Variants in RNF6 observed in about 807,000 individuals in gnomAD.
The protein encoded by RNF6 is ring finger protein 6, also known as E3 ubiquitin-protein ligase RNF6.
In RNF6, 21 loss-of-function variants were observed where a neutral mutation model predicts 50.1. That is an observed-to-expected ratio of 0.42 (90% CI 0.30 to 0.60). RNF6 has a LOEUF of 0.60. Ranked by LOEUF, RNF6 falls within the 20% of genes least tolerant of loss-of-function variation. The pLI is 0.20. For missense variants in RNF6, 698 were observed against 838.2 expected (o/e 0.83, Z 2.07); for synonymous variants, 255 against 291.8 (o/e 0.87, Z 1.29).
chr13:26,198,375 A>G (rs1868761207), intron 5 of RNF6, among the ~76,000 whole-genome samples: 1 of 151,874 alleles, frequency 6.6e-6, no homozygotes, highest in African/African-American at 2.4e-5. Context: ...ACATTATGGA[A>G]AGGAATCTGC....
chr13:26,188,570 T>C (rs1030969466), intron 5 of RNF6, among the ~76,000 whole-genome samples: 2 of 147,630 alleles, frequency 1.4e-5, no homozygotes, highest in Non-Finnish European at 3.0e-5. Flanking sequence ...AGGTGAAAGC[T>C]GCAGCTGTTC....
At chr13:26,168,661 G>A (rs7982318) in intron 5 of RNF6, among the ~76,000 whole-genome samples, 113,268 of 152,180 alleles carry the variant, frequency 0.74, 42,429 homozygotes, top group East Asian at 0.8. Flanking sequence ...ATGCCCAAGG[G>A]CAAATGAGTA....
Position 26,213,869 on chromosome 13 carries a change from G to T in RNF6, c.2013C>A (p.Ile671=). The T allele has an allele frequency of 6.2e-7, 1 of 1,613,614 alleles. No homozygotes were observed. The highest frequency in any genetic ancestry group is 8.5e-7 in the Non-Finnish European group (1 of 1,179,688). The change falls in exon 5 of 5, where the codon ATC becomes ATA. Residue 671 remains isoleucine, a synonymous_variant. Transcript: ENST00000381588. ...RWLSENCTCP[I]CRQPVLGSNI... ...TAGACCCTAAAACAGGCTGCCGACA[G>T]ATCGGACAAGTGCAATTCTCTGAGA... is the stretch of plus-strand genomic sequence containing the variant.
intron 5 of RNF6, among the ~76,000 whole-genome samples, chr13:26,199,199 G>A (rs1020062857): frequency 6.7e-6 from 1 of 149,898 alleles, no homozygotes; most frequent in Non-Finnish European, 1.5e-5. Flanking sequence ...AATGACAATA[G>A]AACAGACTAG....
chr13:26,136,404 G>T (rs1870647853), intron 5 of RNF6, among the ~76,000 whole-genome samples: 1 of 152,172 alleles, frequency 6.6e-6, no homozygotes. Flanking sequence ...ACATCTTCCA[G>T]AACAAGTGTG....
At chr13:26,152,197 T>C (rs1370820549) in intron 5 of RNF6, among the ~76,000 whole-genome samples, 1 of 152,220 alleles carries the variant, frequency 6.6e-6, no homozygotes, top group Non-Finnish European at 1.5e-5. Flanking sequence ...TTTGAATATG[T>C]AACACATTCA....
At chr13:26,183,559 T>C (rs774482648) in intron 5 of RNF6, among the ~76,000 whole-genome samples, 4 of 152,202 alleles carry the variant, frequency 2.6e-5, no homozygotes, top group Non-Finnish European at 5.9e-5. Context: ...CGTATATCCA[T>C]AGTAGATTGT....
At chr13:26,183,727 G>A (rs569914859) in intron 5 of RNF6, among the ~76,000 whole-genome samples, 4 of 151,682 alleles carry the variant, frequency 2.6e-5, no homozygotes, top group African/African-American at 7.3e-5. Context: ...TATACAATTC[G>A]CAGCTTAGCA....
intron 5 of RNF6, among the ~76,000 whole-genome samples, chr13:26,202,739 T>C (rs1400405804): frequency 6.6e-6 from 1 of 152,190 alleles, no homozygotes; most frequent in African/African-American, 2.4e-5. Flanking sequence ...ATAAAAATAG[T>C]ATGGTACATT....
At chr13:26,138,415 T>G (rs1409189851) in intron 5 of RNF6, among the ~76,000 whole-genome samples, 1 of 152,002 alleles carries the variant, frequency 6.6e-6, no homozygotes, top group Admixed American at 6.6e-5. Flanking sequence ...ATGAAGAAAA[T>G]AAGAATATTC....
At chr13:26,164,177 G>A (rs958808417) in intron 5 of RNF6, among the ~76,000 whole-genome samples, 2 of 152,056 alleles carry the variant, frequency 1.3e-5, no homozygotes, top group Non-Finnish European at 2.9e-5. Context: ...TATCATCCCT[G>A]GGACTTATTA....
chr13:26,181,362 G>C (rs1029959387), intron 5 of RNF6, among the ~76,000 whole-genome samples: 1 of 152,192 alleles, frequency 6.6e-6, no homozygotes, highest in Non-Finnish European at 1.5e-5. Context: ...CCGATCAGGC[G>C]TCTGTCTTGT....
downstream of RNF6, among the ~76,000 whole-genome samples, chr13:26,209,415 C>A (rs1318055712): frequency 1.3e-5 from 2 of 152,234 alleles, no homozygotes; most frequent in Non-Finnish European, 1.5e-5. Flanking sequence ...ATTATATAAT[C>A]TGTACCAGTA....
intron 5 of RNF6, among the ~76,000 whole-genome samples, chr13:26,178,577 G>A (rs965168728): frequency 1.4e-5 from 2 of 146,942 alleles, no homozygotes; most frequent in African/African-American, 5.1e-5. Flanking sequence ...GGCGGACCAG[G>A]TGTCTGCCTG....
At chr13:26,205,808 G>T (rs185598317) in intron 5 of RNF6, among the ~76,000 whole-genome samples, 1 of 152,202 alleles carries the variant, frequency 6.6e-6, no homozygotes, top group Non-Finnish European at 1.5e-5. Context: ...GAGTCCAGGA[G>T]TTTGAGACCA....
chr13:26,164,826 G>A (rs1049525612), intron 5 of RNF6, among the ~76,000 whole-genome samples: 1 of 152,108 alleles, frequency 6.6e-6, no homozygotes, highest in Non-Finnish European at 1.5e-5. Context: ...TTTGGGTGCT[G>A]TTAAAGACAT....
intron 5 of RNF6, among the ~76,000 whole-genome samples, chr13:26,203,529 TG>T (rs1334746154): frequency 3.3e-5 from 5 of 152,228 alleles, no homozygotes; most frequent in Non-Finnish European, 5.9e-5. Flanking sequence ...GTCACACCTT[TG>T]GGTGTGACAC....
chr13:26,133,758 G>A (rs1304817542), intron 5 of RNF6, among the ~76,000 whole-genome samples: 3 of 152,094 alleles, frequency 2.0e-5, no homozygotes, highest in Non-Finnish European at 2.9e-5. Flanking sequence ...AGGCATGTTT[G>A]TAATTGCTCC....
At chr13:26,210,455 A>G (rs920221562), downstream of RNF6, among the ~76,000 whole-genome samples, 2 of 152,178 alleles carry the variant, frequency 1.3e-5, no homozygotes, top group South Asian at 4.1e-4. Context: ...TGCCTCATTC[A>G]TCTCTTTCCT....
Sources: allele counts gnomAD v4.1 joint callset (sites outside exome capture counted in the v4.1 genomes callset), GRCh38; gene constraint gnomAD v4.1.1; transcripts MANE v1.5; gene names NCBI Gene and HGNC (gene_info 2026-07-23, HGNC 2026-07-21).